The following RMST variants were observed in gnomAD, a reference collection of about 807,000 sequenced individuals.
RMST encodes rhabdomyosarcoma 2 associated transcript.
chr12:97,512,271 G>C (rs1055291838), intron 10 of RMST, among the ~76,000 whole-genome samples: 1 of 152,128 alleles, frequency 6.6e-6, no homozygotes, highest in Non-Finnish European at 1.5e-5. Context: ...AGACCTTTGT[G>C]GTGTTACAGC....
intron 10 of RMST, among the ~76,000 whole-genome samples, chr12:97,501,879 A>G (rs1364019171): frequency 6.6e-6 from 1 of 152,224 alleles, no homozygotes. Context: ...TGGCAATATT[A>G]TATGCCAGAT....
At chr12:97,476,064 C>T (rs1874522840) in intron 5 of RMST, among the ~76,000 whole-genome samples, 1 of 152,082 alleles carries the variant, frequency 6.6e-6, no homozygotes, top group Non-Finnish European at 1.5e-5. Flanking sequence ...ATGAGCACAA[C>T]TCCTTTTCAG....
intron 4 of RMST, chr12:97,465,187 A>G (rs930713628): frequency 9.2e-5 from 14 of 152,118 alleles, no homozygotes; most frequent in African/African-American, 3.4e-4. Flanking sequence ...AGTTTGTCTG[A>G]TGGTATTGGG....
chr12:97,473,179 G>A (rs1874137990), intron 5 of RMST, among the ~76,000 whole-genome samples: 1 of 152,072 alleles, frequency 6.6e-6, no homozygotes, highest in East Asian at 1.9e-4. Flanking sequence ...TGAGAATAAT[G>A]AGAATATTCA....
chr12:97,507,988 C>A (rs757884336), intron 10 of RMST, among the ~76,000 whole-genome samples: 1 of 152,104 alleles, frequency 6.6e-6, no homozygotes, highest in Non-Finnish European at 1.5e-5. Flanking sequence ...TGGTCTTGAG[C>A]AGAAGAAACT....
At chr12:97,540,977 TATAG>T (rs1280145220) in intron 11 of RMST, among the ~76,000 whole-genome samples, 1 of 142,620 alleles carries the variant, frequency 7.0e-6, no homozygotes, top group Non-Finnish European at 1.5e-5. Context: ...TAGATATAGA[TATAG>T]ATAGATACAC....
intron 5 of RMST, among the ~76,000 whole-genome samples, chr12:97,481,260 C>G (rs1207083329): frequency 2.6e-5 from 4 of 152,020 alleles, no homozygotes; most frequent in Admixed American, 2.6e-4. Flanking sequence ...ATATTTTACT[C>G]CAAAAAGAGG....
intron 5 of RMST, among the ~76,000 whole-genome samples, chr12:97,489,345 G>C (rs1876495673): frequency 6.6e-6 from 1 of 152,046 alleles, no homozygotes; most frequent in Admixed American, 6.6e-5. Context: ...TGCTTGGGAG[G>C]CTGAGGCAGG....
At chr12:97,467,176 A>G (rs1416377131) in intron 5 of RMST, among the ~76,000 whole-genome samples, 1 of 152,054 alleles carries the variant, frequency 6.6e-6, no homozygotes, top group Non-Finnish European at 1.5e-5. Flanking sequence ...TGTTATAGCT[A>G]TCTTCTTTAT....
chr12:97,514,418 T>C (rs933448914), intron 10 of RMST, among the ~76,000 whole-genome samples: 27 of 152,348 alleles, frequency 1.8e-4, no homozygotes, highest in Middle Eastern at 3.4e-3. Flanking sequence ...GATTTCACTT[T>C]TGTTTTCCAA....
At chr12:97,517,311 G>A (rs1880036637) in intron 10 of RMST, among the ~76,000 whole-genome samples, 2 of 151,786 alleles carry the variant, frequency 1.3e-5, no homozygotes, top group African/African-American at 4.8e-5. Flanking sequence ...TCTTGGGCAA[G>A]CATTTAATAT....
At chr12:97,536,344 A>G (rs1002761462) in intron 11 of RMST, among the ~76,000 whole-genome samples, 5 of 151,612 alleles carry the variant, frequency 3.3e-5, no homozygotes, top group African/African-American at 7.2e-5. Flanking sequence ...TTATGAGAAT[A>G]AAAGAATTAA....
chr12:97,543,571 G>T (rs1036804169), intron 11 of RMST, among the ~76,000 whole-genome samples: 1 of 151,972 alleles, frequency 6.6e-6, no homozygotes, highest in African/African-American at 2.4e-5. Context: ...ATAATATGGA[G>T]GTTTTCTTTT....
rs140034393 is a variant in RMST at position 97,463,017 on chromosome 12, G to GTCTCTCTCTCTCTCTCTCTCTCTCTC, written n.447-119_447-94dup. 1.2e-3 allele frequency: 151 copies of GTCTCTCTCTCTCTCTCTCTCTCTCTC among 129,976 alleles called. 5 individuals carry two copies. Among genetic ancestry groups the GTCTCTCTCTCTCTCTCTCTCTCTCTC allele is most frequent in the Middle Eastern group, 4.2e-3 (1 of 240 alleles). 8.1% of individuals were successfully genotyped at this position (129,976 alleles called of 1,614,324 possible). A position where few individuals can be genotyped will look rare whatever the true frequency, so the allele number is the denominator to read the frequency against. ...TTAGGTTCTTAGTCTCAAGTCAGCA[G>GTCTCTCTCTCTCTCTCTCTCTCTCTC]TCTCTCTCTCTCTCTCTCTCTCTCT... On this transcript the variant is annotated intron_variant and non_coding_transcript_variant, in intron 3 of 13. Transcript: ENST00000640149.
intron 5 of RMST, among the ~76,000 whole-genome samples, chr12:97,478,511 T>C (rs1874822779): frequency 6.6e-6 from 1 of 152,178 alleles, no homozygotes; most frequent in Non-Finnish European, 1.5e-5. Flanking sequence ...CAAAGCTATT[T>C]ATACCCAGAT....
chr12:97,548,876 T>G (rs1369022165), intron 11 of RMST, among the ~76,000 whole-genome samples: 2 of 152,188 alleles, frequency 1.3e-5, no homozygotes, highest in African/African-American at 4.8e-5. Context: ...GAGAAAAGTC[T>G]AGCAATTGAA....
chr12:97,557,391 A>C (rs1178806576), intron 11 of RMST, among the ~76,000 whole-genome samples: 1 of 152,114 alleles, frequency 6.6e-6, no homozygotes, highest in Non-Finnish European at 1.5e-5. Context: ...TGAGGTGTGC[A>C]TACTCACTTA....
intron 5 of RMST, among the ~76,000 whole-genome samples, chr12:97,484,517 A>G (rs1444333726): frequency 6.6e-6 from 1 of 152,178 alleles, no homozygotes; most frequent in African/African-American, 2.4e-5. Context: ...TATTTTTAAA[A>G]TTTCAGAATT....
At chr12:97,467,247 T>A (rs1180380305) in intron 5 of RMST, among the ~76,000 whole-genome samples, 2 of 151,878 alleles carry the variant, frequency 1.3e-5, no homozygotes, top group Non-Finnish European at 2.9e-5. Context: ...ACCAGGAACA[T>A]CTTTGCACCT....
Sources: allele counts gnomAD v4.1 joint callset (sites outside exome capture counted in the v4.1 genomes callset), GRCh38; gene constraint gnomAD v4.1.1; transcripts MANE v1.5; gene names NCBI Gene and HGNC (gene_info 2026-07-23, HGNC 2026-07-21).